BDP1: variants seen among roughly 807,000 people sequenced by gnomAD.
BDP1 encodes transcription factor TFIIIB component B'' homolog.
In BDP1, 169 loss-of-function variants were observed where a neutral mutation model predicts 266.6. That is an observed-to-expected ratio of 0.63 (90% CI 0.56 to 0.72). The LOEUF is 0.72. Among genes scored for constraint, BDP1 ranks in the 30% least tolerant of loss-of-function variants. The pLI is 0.00. For synonymous variants in BDP1, 1,090 were observed against 1,022.4 expected, an observed-to-expected ratio of 1.07 and a Z score of -1.26; for missense variants, 3,015 against 3,053.8, an observed-to-expected ratio of 0.99 and a Z score of 0.30.
At chr5:71,557,510 T>G (rs1191457292) in intron 36 of BDP1, among the ~76,000 whole-genome samples, 1 of 149,716 alleles carries the variant, frequency 6.7e-6, no homozygotes, top group East Asian at 2.0e-4. Context: ...TCAGCCTCCC[T>G]AGTAGCTGGG....
rs1388853024 is a variant in BDP1 at position 71,516,283 on chromosome 5, T to G, written c.4860+12T>G. 3 of 1,597,112 alleles carry G rather than the reference T, an allele frequency of 1.9e-6. No homozygotes were observed. The highest frequency in any genetic ancestry group is 2.6e-6 in the Non-Finnish European group (3 of 1,168,764). On this transcript the variant is annotated intron_variant, in intron 21 of 38. Coordinates refer to ENST00000358731, the MANE Select transcript of BDP1 (RefSeq NM_018429.3). ...AAGTCTTAACTGTGGTGAGTTATTG[T>G]TATGTAATTAAATTTAGCCTTTTAA...
At chr5:71,531,400 T>A (rs1443052309) in intron 25 of BDP1, among the ~76,000 whole-genome samples, 3 of 152,204 alleles carry the variant, frequency 2.0e-5, no homozygotes, top group Admixed American at 2.0e-4. Flanking sequence ...ATGAGTGAAC[T>A]TCTTATTTTA....
At chr5:71,563,039 A>G in intron 38 of BDP1, 1 of 377,844 alleles carries the variant, frequency 2.6e-6, no homozygotes, top group Non-Finnish European at 4.4e-6. Context: ...TTTGTAAAGA[A>G]CATCTTTAAA....
chr5:71,533,690 C>T (rs1201818494), intron 26 of BDP1, among the ~76,000 whole-genome samples: 3 of 151,932 alleles, frequency 2.0e-5, no homozygotes, highest in East Asian at 1.9e-4. Context: ...TCTCGTACTC[C>T]TGTCCTCAAG....
At chr5:71,520,783 G>A (rs1385490426) in intron 22 of BDP1, among the ~76,000 whole-genome samples, 1 of 152,190 alleles carries the variant, frequency 6.6e-6, no homozygotes, top group East Asian at 1.9e-4. Context: ...TGAGAAATAA[G>A]TTGAATAAAT....
At chr5:71,534,970 A>G (rs1049619895) in intron 26 of BDP1, among the ~76,000 whole-genome samples, 2 of 151,670 alleles carry the variant, frequency 1.3e-5, no homozygotes, top group Admixed American at 1.3e-4. Context: ...TCATTTTTGG[A>G]TTGTTCGTTG....
At chr5:71,562,222 A>G in intron 37 of BDP1, 52 bp from the exon 38 acceptor site, 2 of 1,213,936 alleles carry the variant, frequency 1.6e-6, no homozygotes, top group Non-Finnish European at 2.2e-6. Context: ...AAAAAAAAAA[A>G]AGAATGTGTC....
chr5:71,458,166 GT>G (rs1269632623), intron 1 of BDP1, among the ~76,000 whole-genome samples: 1 of 152,094 alleles, frequency 6.6e-6, no homozygotes, highest in Non-Finnish European at 1.5e-5. Flanking sequence ...AATGCCGGTA[GT>G]TTAGACCAGT....
chr5:71,578,286 A>G, the BDP1 span, among the ~76,000 whole-genome samples: 12 of 152,196 alleles, frequency 7.9e-5, no homozygotes, highest in Non-Finnish European at 1.5e-4. Flanking sequence ...TCTTCCAAAC[A>G]TACTCTTTTG....
intron 16 of BDP1, among the ~76,000 whole-genome samples, chr5:71,506,786 A>AACACGCACAC (rs1764603310): frequency 3.1e-5 from 2 of 64,408 alleles, no homozygotes; most frequent in African/African-American, 7.9e-5. Flanking sequence ...ATATATTTGA[A>AACACGCACAC]ACACACACAC....
At chr5:71,467,327 A>T (rs558177927) in intron 5 of BDP1, 27 bp from the exon 6 acceptor site, 1 of 1,543,454 alleles carries the variant, frequency 6.5e-7, no homozygotes, top group African/African-American at 1.4e-5. Context: ...TTTAGTATAC[A>T]TCTATTTAAA....
intron 33 of BDP1, among the ~76,000 whole-genome samples, chr5:71,549,070 C>G (rs1742551209): frequency 6.6e-6 from 1 of 152,174 alleles, no homozygotes; most frequent in Non-Finnish European, 1.5e-5. Context: ...GAAACACCAT[C>G]TCTACTAAAA....
At chr5:71,534,507 G>C (rs76725649) in intron 26 of BDP1, among the ~76,000 whole-genome samples, 1 of 132,838 alleles carries the variant, frequency 7.5e-6, no homozygotes, top group Non-Finnish European at 1.7e-5. Flanking sequence ...TTTTTTTTTT[G>C]TTGTTGTTGT....
intron 30 of BDP1, among the ~76,000 whole-genome samples, chr5:71,542,799 A>T (rs1044992644): frequency 6.8e-4 from 103 of 152,308 alleles, no homozygotes; most frequent in African/African-American, 2.5e-3. Context: ...AAGATAGTTA[A>T]TTAACACATA....
rs374809052 is a variant in BDP1 at position 71,495,462 on chromosome 5, A to G, written c.1799+54A>G. The G allele has an allele frequency of 5.7e-6, 7 of 1,234,390 alleles. No individual in the cohort carries two copies. In the East Asian group the frequency reaches 1.2e-4, roughly 22 times the overall value. The allele number at this position is 1,234,390 out of a possible 1,614,324, so 76.5% of individuals were successfully genotyped here. Reference sequence around the variant, plus strand: ...TATAAAATTTTGATAAGGTTCTTAAATGATAATAATGTTGCTTCATTTAGG... The same window carrying G: ...TATAAAATTTTGATAAGGTTCTTAAGTGATAATAATGTTGCTTCATTTAGG... On this transcript the variant is annotated intron_variant, in intron 12 of 38. Coordinates refer to ENST00000358731, the MANE Select transcript of BDP1 (RefSeq NM_018429.3).
chr5:71,478,655 C>T (rs1762744534), intron 7 of BDP1, among the ~76,000 whole-genome samples: 1 of 151,212 alleles, frequency 6.6e-6, no homozygotes, highest in Admixed American at 6.6e-5. Flanking sequence ...TGGCTGTTTT[C>T]AGGATTTTTT....
At chr5:71,554,650 T>C (rs1743092385) in intron 35 of BDP1, among the ~76,000 whole-genome samples, 1 of 152,214 alleles carries the variant, frequency 6.6e-6, no homozygotes, top group African/African-American at 2.4e-5. Context: ...CAGACTATGA[T>C]ACGCCATTTA....
chr5:71,520,128 C>G (rs535278420), intron 22 of BDP1, among the ~76,000 whole-genome samples: 1 of 152,202 alleles, frequency 6.6e-6, no homozygotes, highest in South Asian at 2.1e-4. Flanking sequence ...TGTCTGTTCT[C>G]TTTTGCCTAT....
chr5:71,517,606 C>A (rs1765288697), intron 22 of BDP1, among the ~76,000 whole-genome samples, 154 bp downstream of exon 22: 1 of 152,178 alleles, frequency 6.6e-6, no homozygotes, highest in Non-Finnish European at 1.5e-5. Flanking sequence ...TTTAAATCTG[C>A]TTCTCGAATA....
Sources: gnomAD v4.1 joint callset for allele counts (sites outside exome capture counted in the v4.1 genomes callset) on GRCh38, gnomAD v4.1.1 for gene constraint, MANE v1.5 for transcripts, NCBI Gene and HGNC (gene_info 2026-07-23, HGNC 2026-07-21) for gene names.